EZR: variants seen among roughly 807,000 people sequenced by gnomAD.
The protein encoded by EZR is cytovillin 2.
A neutral mutation model predicts 74.8 loss-of-function variants in EZR; 40 were observed. That is an observed-to-expected ratio of 0.53 (90% CI 0.42 to 0.70). The LOEUF (loss-of-function observed/expected upper bound fraction) is 0.70. Ranked by LOEUF, EZR falls within the 30% of genes least tolerant of loss-of-function variation. The pLI is 0.00. For missense variants in EZR, 678 were observed against 755.8 expected, an observed-to-expected ratio of 0.90 and a Z score of 1.21; for synonymous variants, 341 against 283.3, an observed-to-expected ratio of 1.20 and a Z score of -2.05.
intron 13 of EZR, 24 bp downstream of exon 13, chr6:158,767,237 G>C: frequency 6.2e-7 from 1 of 1,600,200 alleles, no homozygotes; most frequent in Admixed American, 1.7e-5. Flanking sequence ...AGGCTCCCTG[G>C]AGACAGAGCC....
Position 158,772,433 on chromosome 6 carries a change from C to T in EZR, c.796-1026G>A, listed in dbSNP as rs531654899. 6.6e-5 allele frequency among the ~76,000 whole-genome samples: 10 copies of T among 152,324 alleles called. No individual in the cohort carries two copies. The South Asian group carries it at 8.3e-4, about 13-fold the overall frequency. On this transcript the variant is annotated intron_variant, in intron 8 of 13. Transcript: ENST00000367075. ...TCCCAGCAGTCCCATTAGATGCTGG[C>T]GTCCCCGCCTTATCGGTGACGTTCA... is the stretch of plus-strand genomic sequence containing the variant.
intron 2 of EZR, among the ~76,000 whole-genome samples, chr6:158,794,209 A>T (rs1308022612): frequency 2.6e-5 from 4 of 152,162 alleles, no homozygotes; most frequent in Non-Finnish European, 5.9e-5. Flanking sequence ...TGAACCTGGG[A>T]GGCGGAGCTT....
intron 2 of EZR, among the ~76,000 whole-genome samples, chr6:158,814,395 T>TAGGC (rs1320959214): frequency 2.3e-5 from 2 of 85,706 alleles, no homozygotes; most frequent in Admixed American, 1.9e-4. Flanking sequence ...CGACGTTACC[T>TAGGC]AGGCTCTTTC....
chr6:158,788,921 G>A (rs1255478716), intron 3 of EZR, among the ~76,000 whole-genome samples: 1 of 152,122 alleles, frequency 6.6e-6, no homozygotes, highest in Non-Finnish European at 1.5e-5. Context: ...AGGCAGCTGC[G>A]GGTAGGAAGC....
chr6:158,803,606 CAT>C lies in EZR; in HGVS notation c.13-14237_13-14236del, dbSNP rs60330512. On this transcript the variant is annotated intron_variant, in intron 2 of 13. Coordinates refer to ENST00000367075, the MANE Select transcript of EZR (RefSeq NM_001111077.2). ...ACATATATATATATATATATATATA[CAT>C]ATATATATATATATATACATATACA... Among the ~76,000 whole-genome samples the C allele has an allele frequency of 3.4e-3, 123 of 36,018 alleles. 9 individuals carry two copies. Among genetic ancestry groups the C allele is most frequent in the African/African-American group, 7.3e-3 (97 of 13,264 alleles). 23.6% of individuals were successfully genotyped at this position (36,018 alleles called of 152,430 possible).
At chr6:158,800,715 T>A (rs1014875915) in intron 2 of EZR, among the ~76,000 whole-genome samples, 2 of 152,086 alleles carry the variant, frequency 1.3e-5, no homozygotes, top group African/African-American at 4.8e-5. Flanking sequence ...GGCAGGACAA[T>A]CGCTTGAACC....
At chr6:158,797,987 T>A (rs1777108429) in intron 2 of EZR, among the ~76,000 whole-genome samples, 1 of 152,228 alleles carries the variant, frequency 6.6e-6, no homozygotes, top group Non-Finnish European at 1.5e-5. Flanking sequence ...TCTGCATTCC[T>A]CCTGATCCCT....
At chr6:158,773,876 G>A (rs1361784882) in intron 8 of EZR, among the ~76,000 whole-genome samples, 1 of 152,232 alleles carries the variant, frequency 6.6e-6, no homozygotes, top group Non-Finnish European at 1.5e-5. Context: ...AAAGGCAGCC[G>A]CCTCAGCCCC....
chr6:158,805,032 C>A (rs192086752), intron 2 of EZR, among the ~76,000 whole-genome samples: 1 of 149,748 alleles, frequency 6.7e-6, no homozygotes, highest in African/African-American at 2.5e-5. Flanking sequence ...TTTGTTCTTG[C>A]GATAGTTTAC....
intron 2 of EZR, among the ~76,000 whole-genome samples, chr6:158,817,416 C>A (rs1777581743): frequency 6.6e-6 from 1 of 152,236 alleles, no homozygotes; most frequent in Non-Finnish European, 1.5e-5. Flanking sequence ...CTTTCATCAG[C>A]TGACCAGGAG....
chr6:158,801,048 T>C (rs1033258382), intron 2 of EZR, among the ~76,000 whole-genome samples: 3 of 152,136 alleles, frequency 2.0e-5, no homozygotes, highest in African/African-American at 7.2e-5. Context: ...TGTGGGAAGA[T>C]CACTTGGGCC....
intron 2 of EZR, among the ~76,000 whole-genome samples, chr6:158,814,926 GAATA>G (rs1777523345): frequency 6.6e-6 from 1 of 152,154 alleles, no homozygotes; most frequent in Non-Finnish European, 1.5e-5. Flanking sequence ...ACTGTTTTAT[GAATA>G]AAGTCATCCA....
chr6:158,785,926 C>T (rs1403125758), intron 4 of EZR, among the ~76,000 whole-genome samples: 1 of 152,100 alleles, frequency 6.6e-6, no homozygotes, highest in Non-Finnish European at 1.5e-5. Context: ...GTGATGCATG[C>T]TTATAGTCCC....
intron 10 of EZR, among the ~76,000 whole-genome samples, chr6:158,770,157 G>A (rs754475887): frequency 2.6e-5 from 4 of 152,296 alleles, no homozygotes; most frequent in Middle Eastern, 3.4e-3. Flanking sequence ...CCCGTCCAAC[G>A]CCAGCCAGGC....
In EZR at chr6:158,783,508, A is replaced by T; in HGVS notation, c.698+12T>A. ...CCCTACCTACTGAAGATAACTGTGA[A>T]CTTCAACTCACTTATCATCTTTCTC... is the stretch of plus-strand genomic sequence containing the variant. On this transcript the variant is annotated intron_variant, in intron 7 of 13. Transcript: ENST00000367075. 6.2e-7 allele frequency: 1 copy of T among 1,607,462 alleles called. No individual in the cohort carries two copies. The highest frequency in any genetic ancestry group is 8.5e-7 in the Non-Finnish European group (1 of 1,175,438).
intron 2 of EZR, among the ~76,000 whole-genome samples, chr6:158,814,799 C>A (rs1312130827): frequency 6.6e-6 from 1 of 152,136 alleles, no homozygotes; most frequent in Non-Finnish European, 1.5e-5. Flanking sequence ...CCTCGGCCTC[C>A]CAAAGTGCTG....
At chr6:158,813,044 C>T (rs1777481075) in intron 2 of EZR, among the ~76,000 whole-genome samples, 1 of 152,140 alleles carries the variant, frequency 6.6e-6, no homozygotes, top group African/African-American at 2.4e-5. Context: ...TTTCAAAAGG[C>T]AAATCTGATC....
intron 2 of EZR, among the ~76,000 whole-genome samples, chr6:158,792,368 C>T (rs1303874014): frequency 1.3e-5 from 2 of 152,116 alleles, no homozygotes; most frequent in South Asian, 2.1e-4. Context: ...CCAGCCACTA[C>T]ACCCAGCTAA....
At chr6:158,776,889 G>A (rs1791295073) in intron 7 of EZR, among the ~76,000 whole-genome samples, 1 of 152,072 alleles carries the variant, frequency 6.6e-6, no homozygotes, top group South Asian at 2.1e-4. Context: ...CATCCTGCCA[G>A]AGCCCACTCT....
Sources: gnomAD v4.1 joint callset for allele counts (sites outside exome capture counted in the v4.1 genomes callset) on GRCh38, gnomAD v4.1.1 for gene constraint, MANE v1.5 for transcripts, NCBI Gene and HGNC (gene_info 2026-07-23, HGNC 2026-07-21) for gene names.